The following HDAC9 variants were observed in gnomAD, a reference collection of about 807,000 sequenced individuals.
The protein encoded by HDAC9 is histone deacetylase 9, also known as MEF-2 interacting transcription repressor (MITR) protein.
A neutral mutation model predicts 139.4 loss-of-function variants in HDAC9; 41 were observed. That is an observed-to-expected ratio of 0.29 (90% CI 0.23 to 0.38). The LOEUF (loss-of-function observed/expected upper bound fraction) is 0.38, where lower values mean the gene tolerates loss of function less well. Among genes scored for constraint, HDAC9 ranks in the 10% least tolerant of loss-of-function variants. HDAC9 has a pLI of 1.00. For missense variants in HDAC9, 1,147 were observed against 1,297.0 expected, an observed-to-expected ratio of 0.88 and a Z score of 1.78; for synonymous variants, 517 against 476.2, an observed-to-expected ratio of 1.09 and a Z score of -1.12.
At chr7:18,330,625 TCCC>T (rs1800848395) in intron 1 of HDAC9, among the ~76,000 whole-genome samples, 1 of 151,524 alleles carries the variant, frequency 6.6e-6, no homozygotes, top group Non-Finnish European at 1.5e-5. Context: ...AAAAACTATT[TCCC>T]CTCTACTCCC....
At chr7:18,619,831 T>TG (rs1839726090) in intron 6 of HDAC9, among the ~76,000 whole-genome samples, 1 of 152,210 alleles carries the variant, frequency 6.6e-6, no homozygotes, top group South Asian at 2.1e-4. Context: ...TCTGTGCCCT[T>TG]GGACGTGGTT....
At chr7:18,131,522 G>T (rs1785008269) in intron 1 of HDAC9, among the ~76,000 whole-genome samples, 1 of 152,164 alleles carries the variant, frequency 6.6e-6, no homozygotes, top group South Asian at 2.1e-4. Flanking sequence ...TTTTTGGCTA[G>T]ACAACTTGTG....
chr7:18,547,456 T>C (rs948827687), intron 2 of HDAC9, among the ~76,000 whole-genome samples: 1 of 152,166 alleles, frequency 6.6e-6, no homozygotes, highest in Non-Finnish European at 1.5e-5. Flanking sequence ...AGGACAGTCT[T>C]GATCTCCTGA....
intron 1 of HDAC9, among the ~76,000 whole-genome samples, chr7:18,344,667 G>C (rs1299356911): frequency 6.6e-6 from 1 of 151,800 alleles, no homozygotes; most frequent in Non-Finnish European, 1.5e-5. Context: ...TGTTTTGGCA[G>C]AAAAAAATAG....
chr7:18,179,194 A>G (rs1789191172), intron 2 of HDAC9, among the ~76,000 whole-genome samples: 1 of 152,214 alleles, frequency 6.6e-6, no homozygotes, highest in African/African-American at 2.4e-5. Context: ...CACCTTGGGT[A>G]GGCTTTTGTT....
At chr7:18,181,290 T>C (rs1379725978) in intron 2 of HDAC9, among the ~76,000 whole-genome samples, 2 of 152,258 alleles carry the variant, frequency 1.3e-5, no homozygotes, top group Admixed American at 6.5e-5. Context: ...ATGCCTAATA[T>C]GTGCCAGACA....
At chr7:18,336,078 G>T (rs962914440) in intron 1 of HDAC9, among the ~76,000 whole-genome samples, 3 of 151,552 alleles carry the variant, frequency 2.0e-5, no homozygotes, top group Non-Finnish European at 4.4e-5. Context: ...TCTCTAGTCA[G>T]AATGGCTGAG....
chr7:18,706,635 G>C (rs1292609431), intron 12 of HDAC9, among the ~76,000 whole-genome samples: 1 of 152,202 alleles, frequency 6.6e-6, no homozygotes, highest in African/African-American at 2.4e-5. Context: ...TGTCCTGAGA[G>C]ACATCTAGTC....
At chr7:18,326,328 A>G (rs1197572308) in intron 1 of HDAC9, among the ~76,000 whole-genome samples, 1 of 152,046 alleles carries the variant, frequency 6.6e-6, no homozygotes. Context: ...GTGTTTTTTT[A>G]TAAATGACAA....
At chr7:18,658,355 C>T (rs1791963676) in intron 11 of HDAC9, among the ~76,000 whole-genome samples, 1 of 152,110 alleles carries the variant, frequency 6.6e-6, no homozygotes, top group African/African-American at 2.4e-5. Flanking sequence ...CAGTTTCCTT[C>T]CCAGAAGGGA....
intron 22 of HDAC9, among the ~76,000 whole-genome samples, chr7:18,918,378 A>C (rs905902684): frequency 1.3e-5 from 2 of 152,010 alleles, no homozygotes; most frequent in Non-Finnish European, 2.9e-5. Flanking sequence ...ATGTGATGGC[A>C]CTAGGCCAGG....
At chr7:18,493,027 A>G (rs919035531), upstream of HDAC9, among the ~76,000 whole-genome samples, 2 of 151,978 alleles carry the variant, frequency 1.3e-5, no homozygotes, top group African/African-American at 4.8e-5. Flanking sequence ...ATGTTAAATA[A>G]TGGTCAAAAT....
intron 2 of HDAC9, among the ~76,000 whole-genome samples, chr7:18,218,459 A>G (rs572706168): frequency 4.6e-5 from 7 of 152,208 alleles, no homozygotes; most frequent in African/African-American, 4.8e-5. Flanking sequence ...AAATAAATAA[A>G]TAAATAAATT....
chr7:18,297,966 C>T (rs1798260539), intron 1 of HDAC9, among the ~76,000 whole-genome samples: 2 of 152,330 alleles, frequency 1.3e-5, no homozygotes, highest in African/African-American at 2.4e-5. Context: ...TCTTCTCTCA[C>T]AGGCCATTTA....
At chr7:18,102,907 C>CT (rs934868538) in intron 1 of HDAC9, among the ~76,000 whole-genome samples, 69 of 152,312 alleles carry the variant, frequency 4.5e-4, no homozygotes, top group African/African-American at 1.5e-3. Flanking sequence ...GATGCCAGCA[C>CT]TTTAAGAATG....
At chr7:18,520,344 A>G (rs550901904) in intron 2 of HDAC9, among the ~76,000 whole-genome samples, 1 of 152,262 alleles carries the variant, frequency 6.6e-6, no homozygotes, top group Admixed American at 6.5e-5. Flanking sequence ...TATATATCAC[A>G]ACTATAGAAG....
At chr7:18,496,072 A>G in intron 1 of HDAC9, 49 bp downstream of exon 1, 1 of 1,425,822 alleles carries the variant, frequency 7.0e-7, no homozygotes, top group Non-Finnish European at 9.2e-7. Context: ...GTGGATGCCC[A>G]TTTGAGCAGA....
intron 14 of HDAC9, among the ~76,000 whole-genome samples, chr7:18,751,901 G>A (rs993375195): frequency 6.6e-6 from 1 of 151,794 alleles, no homozygotes; most frequent in African/African-American, 2.4e-5. Flanking sequence ...TCCAAACCAG[G>A]TTAGCCCCCT....
rs1032303314 is a variant in HDAC9 at position 18,261,274 on chromosome 7, C to G, written c.25+98925C>G. ...AGTGAGCCATGATCATGTCACTGCA[C>G]TCCAGCCTGTGTGGCAGAGCAAGAC... On this transcript the variant is annotated intron_variant, in intron 2 of 12. Coordinates refer to the HDAC9 transcript ENST00000417496. 2.0e-5 allele frequency among the ~76,000 whole-genome samples: 3 copies of G among 152,058 alleles called. No homozygotes were observed. In the South Asian group the frequency reaches 6.2e-4, roughly 32 times the overall value.
Sources: gnomAD v4.1 joint callset for allele counts (sites outside exome capture counted in the v4.1 genomes callset) on GRCh38, gnomAD v4.1.1 for gene constraint, MANE v1.5 for transcripts, NCBI Gene and HGNC (gene_info 2026-07-23, HGNC 2026-07-21) for gene names.